FZD6: variants seen among roughly 807,000 people sequenced by gnomAD.
The protein encoded by FZD6 is frizzled class receptor 6.
In FZD6, 49 loss-of-function variants were observed where a neutral mutation model predicts 61.4. The ratio of observed to expected loss-of-function variants is 0.80; its 90% CI spans 0.63 to 1.01. The LOEUF (loss-of-function observed/expected upper bound fraction) is 1.01, where lower values mean the gene tolerates loss of function less well. Ranked by LOEUF, FZD6 falls within the 50% of genes least tolerant of loss-of-function variation. The probability of loss-of-function intolerance (pLI) is 0.00; values close to 1 mark genes in which losing one functional copy is unlikely to be tolerated. For synonymous variants in FZD6, 265 were observed against 292.2 expected, an observed-to-expected ratio of 0.91 and a Z score of 0.95; for missense variants, 724 against 848.2, an observed-to-expected ratio of 0.85 and a Z score of 1.82.
chr8:103,309,497 G>T (rs1814435565), intron 2 of FZD6, among the ~76,000 whole-genome samples: 1 of 152,334 alleles, frequency 6.6e-6, no homozygotes, highest in South Asian at 2.1e-4. Flanking sequence ...TATGTTTCTA[G>T]TGGTGTTGCC....
At chr8:103,328,606 T>C (rs540615372) in intron 5 of FZD6, among the ~76,000 whole-genome samples, 190 bp downstream of exon 5, 16 of 152,190 alleles carry the variant, frequency 1.1e-4, no homozygotes, top group African/African-American at 3.9e-4. Flanking sequence ...CAATAGTCTT[T>C]GACATATACT....
In FZD6 at chr8:103,329,677, G is replaced by C. The variant is rs140569835; in HGVS notation, c.1564G>C (p.Val522Leu). 7 of 1,610,432 alleles carry C rather than the reference G, an allele frequency of 4.3e-6. No homozygotes were observed. The highest frequency in any genetic ancestry group is 1.3e-5 in the African/African-American group (1 of 74,850). ...KRDPISESRR[V>L]LQESCEFFLK... is the part of the protein sequence containing the mutation. ...TAGTCCAATCAGTGAAAGTCGAAGA[G>C]TACTACAGGAATCATGTGAGTTTTT... is the stretch of plus-strand genomic sequence containing the variant. Residue 522 changes from valine to leucine, a missense_variant, in exon 6 of 7, where the codon GTA (valine) becomes CTA (leucine). Physicochemically the swap from Val to Leu is conservative, Grantham distance 32. Transcript: ENST00000358755.
rs1392755918 is a variant in FZD6, at chr8:103,300,302, C to T, written c.177+18C>T. ...AAATGGAGGTGAGTAGTGCTTCATACGTTTATTGAATAGTAGTTTATGCTC... is the reference window on the plus strand; with the variant it reads ...AAATGGAGGTGAGTAGTGCTTCATATGTTTATTGAATAGTAGTTTATGCTC... On this transcript the variant is annotated intron_variant, in intron 2 of 6. Transcript: ENST00000358755. The T allele has an allele frequency of 5.2e-6, 8 of 1,524,992 alleles. No individual in the cohort carries two copies. Among genetic ancestry groups the T allele is most frequent in the African/African-American group, 4.1e-5 (3 of 73,168 alleles). The allele number at this position is 1,524,992 out of a possible 1,614,324, so 94.5% of individuals were successfully genotyped here. A position where few individuals can be genotyped will look rare whatever the true frequency, so the allele number is the denominator to read the frequency against.
rs77573810 is a variant in FZD6, at chr8:103,322,580, A to C, written c.375-1901A>C. ...TCCATTCACTGACCTTTTCCACATT[A>C]GTCTTGATTAATTTTTTTTTCCTAT... On this transcript the variant is annotated intron_variant, in intron 3 of 6. Coordinates refer to ENST00000358755, the MANE Select transcript of FZD6 (RefSeq NM_003506.4). Among the ~76,000 whole-genome samples the C allele has an allele frequency of 6.3e-3, 959 of 152,294 alleles. 8 individuals are homozygous for C. The highest frequency in any genetic ancestry group is 0.021 in the African/African-American group (891 of 41,554).
intron 2 of FZD6, among the ~76,000 whole-genome samples, chr8:103,302,078 G>T (rs1233504384): frequency 6.6e-6 from 1 of 151,456 alleles, no homozygotes; most frequent in Non-Finnish European, 1.5e-5. Flanking sequence ...TAAATTTAAG[G>T]ATACAAAAGA....
At chr8:103,316,954 C>T (rs1814640711) in intron 2 of FZD6, among the ~76,000 whole-genome samples, 1 of 152,210 alleles carries the variant, frequency 6.6e-6, no homozygotes, top group Non-Finnish European at 1.5e-5. Context: ...TCCTTTCCCT[C>T]TTTGAATTTA....
At chr8:103,309,958 G>A (rs3808559) in intron 2 of FZD6, among the ~76,000 whole-genome samples, 65,134 of 151,966 alleles carry the variant, frequency 0.43, 14,552 homozygotes, top group East Asian at 0.62. Context: ...CTCCCAAGGC[G>A]TGCTGGGGTG....
intron 2 of FZD6, among the ~76,000 whole-genome samples, chr8:103,317,613 G>T (rs1158069315): frequency 6.6e-6 from 1 of 152,026 alleles, no homozygotes; most frequent in African/African-American, 2.4e-5. Flanking sequence ...GAGGAGTAAA[G>T]AATAAGTTGT....
At chr8:103,303,260 A>C (rs1586500924) in intron 2 of FZD6, among the ~76,000 whole-genome samples, 1 of 151,926 alleles carries the variant, frequency 6.6e-6, no homozygotes, top group African/African-American at 2.4e-5. Context: ...ACTGTCCATC[A>C]CCTCTGTATC....
At chr8:103,307,511 GT>G (rs202244081) in intron 2 of FZD6, among the ~76,000 whole-genome samples, 2,519 of 152,170 alleles carry the variant, frequency 0.017, 68 homozygotes, top group African/African-American at 0.057. Context: ...CAACCTATCT[GT>G]TTTTGTCATT....
chr8:103,301,517 C>T (rs957959648), intron 2 of FZD6, among the ~76,000 whole-genome samples: 2 of 152,044 alleles, frequency 1.3e-5, no homozygotes, highest in African/African-American at 2.4e-5. Context: ...AATAGTGTTC[C>T]TAAATTTTTT....
At position 103,324,899 on chromosome 8, in the gene FZD6, G is replaced by A. The variant is rs1193820321; in HGVS notation, c.793G>A (p.Glu265Lys). ...TAGCACAGCCTGCAATAAGGCAGAT[G>A]AGAAGCTAGAACTTGGTGACACTGT... is the stretch of plus-strand genomic sequence containing the variant. ...GDSTACNKAD[E>K]KLELGDTVVL... The change falls in exon 4 of 7, where the codon GAG becomes AAG. Residue 265 changes from glutamate to lysine, a missense_variant. Transcript: ENST00000358755. 1.2e-6 allele frequency: 2 copies of A among 1,613,964 alleles called. No homozygotes were observed. The highest frequency in any genetic ancestry group is 2.2e-5 in the East Asian group (1 of 44,896).
rs868392863 is a variant in FZD6, at chr8:103,328,265, T to C, written c.1393-3T>C. On this transcript the variant is annotated splice_region_variant and splice_polypyrimidine_tract_variant and intron_variant, in intron 4 of 6. Coordinates refer to ENST00000358755, the MANE Select transcript of FZD6 (RefSeq NM_003506.4). ...AAATATTATTATTCACTATTTTTTG[T>C]AGGCAAAAGCAAAAGCTCGACCAGA... The C allele has an allele frequency of 7.5e-6, 12 of 1,605,850 alleles. No individual in the cohort carries two copies. In the African/African-American group the frequency reaches 1.3e-4, roughly 18 times the overall value.
chr8:103,308,654 G>A (rs1814409145), intron 2 of FZD6, among the ~76,000 whole-genome samples: 1 of 152,164 alleles, frequency 6.6e-6, no homozygotes, highest in South Asian at 2.1e-4. Context: ...ATTATAATAT[G>A]GCAGAAGCAG....
rs143400765 is a variant in FZD6, at chr8:103,329,013, T to TTTTATATATATATATATATATA, written c.1541+598_1541+599insTTATATATATATATATATATAT. On this transcript the variant is annotated intron_variant, in intron 5 of 6. Coordinates refer to ENST00000358755, the MANE Select transcript of FZD6 (RefSeq NM_003506.4). ...TATTTATGAGTAATTCATTTTAGTTTTATATATATATATATATATGCACAC... is the reference window on the plus strand; with the variant it reads ...TATTTATGAGTAATTCATTTTAGTTTTTTATATATATATATATATATATATATATATATATATATATGCACAC... 3.3e-3 allele frequency among the ~76,000 whole-genome samples: 376 copies of TTTTATATATATATATATATATA among 115,138 alleles called. 3 individuals carry two copies. Among genetic ancestry groups the TTTTATATATATATATATATATA allele is most frequent in the African/African-American group, 0.01 (350 of 33,878 alleles). 75.5% of individuals were successfully genotyped at this position (115,138 alleles called of 152,430 possible).
chr8:103,331,133 C>T (rs147954386), intron 6 of FZD6, among the ~76,000 whole-genome samples: 42 of 152,134 alleles, frequency 2.8e-4, no homozygotes, highest in Admixed American at 1.6e-3. Flanking sequence ...GCTGAGATCA[C>T]GCTATTATTG....
Position 103,329,743 on chromosome 8 carries a change from T to A in FZD6, c.1630T>A (p.Tyr544Asn). The A allele has an allele frequency of 6.2e-7, 1 of 1,613,588 alleles. No homozygotes were observed. The highest frequency in any genetic ancestry group is 8.5e-7 in the Non-Finnish European group (1 of 1,179,546). Residue 544 changes from tyrosine (Y) to asparagine (N), a missense_variant, in exon 6 of 7, where the codon TAT (tyrosine) becomes AAT (asparagine). Physicochemically the swap from Tyr to Asn is moderately radical, Grantham distance 143. Transcript: ENST00000358755. Reference sequence around the variant, plus strand: ...TAAAGTTAAACACAAAAAGAAGCACTATAAACCAAGTTCACACAAGCTGAA... The same window carrying A: ...TAAAGTTAAACACAAAAAGAAGCACAATAAACCAAGTTCACACAAGCTGAA... ...NSKVKHKKKHYKPSSHKLKVI... is the reference protein window; with the variant it reads ...NSKVKHKKKHNKPSSHKLKVI...
intron 2 of FZD6, among the ~76,000 whole-genome samples, chr8:103,307,327 G>A (rs919515186): frequency 6.6e-6 from 1 of 152,074 alleles, no homozygotes; most frequent in Non-Finnish European, 1.5e-5. Flanking sequence ...GAGCTAGCTG[G>A]TCCTTTCCCT....
chr8:103,310,903 C>G (rs1316209162), intron 2 of FZD6, among the ~76,000 whole-genome samples: 3 of 152,186 alleles, frequency 2.0e-5, no homozygotes, highest in African/African-American at 7.2e-5. Context: ...GACCAGAAAC[C>G]CAGTTCTAGA....
Sources: gnomAD v4.1 joint callset for allele counts (sites outside exome capture counted in the v4.1 genomes callset) on GRCh38, gnomAD v4.1.1 for gene constraint, MANE v1.5 for transcripts, NCBI Gene and HGNC (gene_info 2026-07-23, HGNC 2026-07-21) for gene names.